GABRA4: variants seen among roughly 807,000 people sequenced by gnomAD.
GABRA4 encodes the protein gamma-aminobutyric acid type A receptor subunit alpha4.
GABRA4 carries 12 observed loss-of-function variants against 49.7 expected under a neutral mutation model. The ratio of observed to expected loss-of-function variants is 0.24; its 90% confidence interval spans 0.15 to 0.39. The LOEUF is 0.39. Ranked by LOEUF, GABRA4 falls within the 10% of genes least tolerant of loss-of-function variation. The probability of loss-of-function intolerance (pLI) is 1.00; values close to 1 mark genes in which losing one functional copy is unlikely to be tolerated. For missense variants in GABRA4, 506 were observed against 686.0 expected, an observed-to-expected ratio of 0.74 and a Z score of 2.93; for synonymous variants, 288 against 240.2, an observed-to-expected ratio of 1.20 and a Z score of -1.84.
chr4:46,942,628 A>G (rs796944558), intron 8 of GABRA4, among the ~76,000 whole-genome samples: 1,530 of 146,638 alleles, frequency 0.01, 11 homozygotes, highest in Middle Eastern at 0.018. Flanking sequence ...CTGTCTCAGA[A>G]AAAAAAAAAA....
In GABRA4 at chr4:46,924,671, G is replaced by A. The variant is rs1721147381; in HGVS notation, c.*3554C>T. On this transcript the variant is annotated 3_prime_UTR_variant, in exon 9 of 9. Transcript: ENST00000264318. ...AGAGATGTTATATATATTTTTGAAGGTAGGGAAACCTTAGTTTGAAGCAAG... is the reference window on the plus strand; with the variant it reads ...AGAGATGTTATATATATTTTTGAAGATAGGGAAACCTTAGTTTGAAGCAAG... The A allele has an allele frequency of 6.6e-6, 1 of 151,944 alleles. No homozygotes were observed. Among genetic ancestry groups the A allele is most frequent in the Non-Finnish European group, 1.5e-5 (1 of 67,914 alleles). The allele number at this position is 151,944 out of a possible 1,614,324, so 9.4% of individuals were successfully genotyped here.
At chr4:46,993,115 G>A (rs1187563669) in intron 1 of GABRA4, among the ~76,000 whole-genome samples, 169 bp from the exon 2 acceptor site, 1 of 152,266 alleles carries the variant, frequency 6.6e-6, no homozygotes, top group South Asian at 2.1e-4. Flanking sequence ...GGAAAAGCGC[G>A]CCCCGCCGCA....
At chr4:46,949,230 C>T (rs965281046) in intron 8 of GABRA4, among the ~76,000 whole-genome samples, 6 of 152,080 alleles carry the variant, frequency 3.9e-5, no homozygotes, top group African/African-American at 9.7e-5. Flanking sequence ...CACATTCTTA[C>T]GGGATTCTAA....
chr4:46,962,636 C>T (rs1202966481), intron 8 of GABRA4, among the ~76,000 whole-genome samples: 1 of 151,760 alleles, frequency 6.6e-6, no homozygotes, highest in African/African-American at 2.4e-5. Context: ...CCACAAAAGA[C>T]CCAGAATAGC....
chr4:46,975,721 T>G (rs957680505), intron 5 of GABRA4, among the ~76,000 whole-genome samples: 3 of 151,878 alleles, frequency 2.0e-5, no homozygotes, highest in Admixed American at 1.3e-4. Flanking sequence ...GAACTAGAGG[T>G]TGGGATGCGG....
chr4:46,962,452 TGAACAG>T (rs1331573318), intron 8 of GABRA4, among the ~76,000 whole-genome samples: 1 of 151,754 alleles, frequency 6.6e-6, no homozygotes. Flanking sequence ...TGAAATAAAT[TGAACAG>T]GACACCAAAA....
At chr4:46,966,772 G>A (rs1338749720) in intron 7 of GABRA4, among the ~76,000 whole-genome samples, 1 of 151,754 alleles carries the variant, frequency 6.6e-6, no homozygotes, top group African/African-American at 2.4e-5. Flanking sequence ...ATAAAGATCT[G>A]AGAATCCATA....
chr4:46,988,186 C>T (rs1329824092), intron 2 of GABRA4, among the ~76,000 whole-genome samples: 1 of 152,058 alleles, frequency 6.6e-6, no homozygotes, highest in Non-Finnish European at 1.5e-5. Flanking sequence ...GAAATAGATC[C>T]CTCACCCATT....
chr4:46,961,863 A>AGAG (rs1269143534), intron 8 of GABRA4, among the ~76,000 whole-genome samples: 2 of 151,794 alleles, frequency 1.3e-5, no homozygotes, highest in African/African-American at 4.8e-5. Flanking sequence ...AAGAGGAAAG[A>AGAG]GAGTGAGAGG....
chr4:46,966,102 A>G (rs1222826929), intron 7 of GABRA4, among the ~76,000 whole-genome samples: 1 of 151,774 alleles, frequency 6.6e-6, no homozygotes, highest in Non-Finnish European at 1.5e-5. Flanking sequence ...ACTATAGAGT[A>G]ACACATTATT....
intron 2 of GABRA4, among the ~76,000 whole-genome samples, chr4:46,987,455 G>T (rs1422740141): frequency 3.3e-5 from 5 of 152,026 alleles, no homozygotes; most frequent in Non-Finnish European, 7.4e-5. Context: ...ACTTATTTCT[G>T]TTACTTATTT....
chr4:46,992,564 C>A, intron 2 of GABRA4: 1 of 478,590 alleles, frequency 2.1e-6, no homozygotes, highest in Non-Finnish European at 3.8e-6. Flanking sequence ...CTCTTCCTCT[C>A]CAACCTCCCC....
At chr4:46,936,995 T>C (rs760261313) in intron 8 of GABRA4, among the ~76,000 whole-genome samples, 9 of 152,216 alleles carry the variant, frequency 5.9e-5, no homozygotes, top group Non-Finnish European at 1.3e-4. Flanking sequence ...TGGACTGGAA[T>C]GTGTTTTCCC....
intron 2 of GABRA4, among the ~76,000 whole-genome samples, chr4:46,983,368 T>TA (rs1381157044): frequency 1.3e-5 from 2 of 152,100 alleles, no homozygotes; most frequent in African/African-American, 4.8e-5. Context: ...GGTCTTTCTA[T>TA]CTGTAACAGC....
chr4:46,953,836 A>C (rs1722253161), intron 8 of GABRA4, among the ~76,000 whole-genome samples: 1 of 152,114 alleles, frequency 6.6e-6, no homozygotes, highest in Non-Finnish European at 1.5e-5. Flanking sequence ...GGGAGTAAGT[A>C]TGGGGCCAGG....
At chr4:46,928,864 T>G in intron 8 of GABRA4, 109 bp from the exon 9 acceptor site, 1 of 709,806 alleles carries the variant, frequency 1.4e-6, no homozygotes, top group Non-Finnish European at 2.3e-6. Flanking sequence ...AAAATAAAAC[T>G]TTATTAATAA....
chr4:46,961,004 A>T (rs1410175519), intron 8 of GABRA4, among the ~76,000 whole-genome samples: 1 of 151,868 alleles, frequency 6.6e-6, no homozygotes. Context: ...AACAACAAGC[A>T]CAGAGGGTAT....
chr4:46,925,554 A>C lies in GABRA4; in HGVS notation c.*2671T>G, dbSNP rs1721191757. The C allele has an allele frequency of 6.6e-6, 1 of 151,526 alleles. No individual in the cohort carries two copies. Among genetic ancestry groups the C allele is most frequent in the South Asian group, 2.1e-4 (1 of 4,816 alleles). The allele number at this position is 151,526 out of a possible 1,614,324, so 9.4% of individuals were successfully genotyped here. ...GATAACCAGAACTTTGGGTGCCCCT[A>C]ATCATTCTTCTGAGATTTTCTAAGA... is the stretch of plus-strand genomic sequence containing the variant. On this transcript the variant is annotated 3_prime_UTR_variant, in exon 9 of 9. Coordinates refer to ENST00000264318, the MANE Select transcript of GABRA4 (RefSeq NM_000809.4).
chr4:46,970,571 G>A (rs1577781626), intron 7 of GABRA4, among the ~76,000 whole-genome samples: 4 of 151,250 alleles, frequency 2.6e-5, no homozygotes, highest in African/African-American at 9.7e-5. Flanking sequence ...AGAAAAAAAA[G>A]AAGTAAGTAA....
Sources: gnomAD v4.1 joint callset for allele counts (sites outside exome capture counted in the v4.1 genomes callset) on GRCh38, gnomAD v4.1.1 for gene constraint, MANE v1.5 for transcripts, NCBI Gene and HGNC (gene_info 2026-07-23, HGNC 2026-07-21) for gene names.